The following DNAH8 variants were observed in gnomAD, a reference collection of about 807,000 sequenced individuals.
DNAH8 encodes axonemal beta dynein heavy chain 8.
Under a neutral mutation model 562.1 loss-of-function variants are expected in DNAH8, and 382 were observed. The observed-to-expected ratio is 0.68, with a 90% confidence interval of 0.63 to 0.74. The LOEUF (loss-of-function observed/expected upper bound fraction) is 0.74, where lower values mean the gene tolerates loss of function less well. Ranked by LOEUF, DNAH8 falls within the 30% of genes least tolerant of loss-of-function variation. The pLI, the probability that DNAH8 is intolerant of heterozygous loss-of-function variation, is 0.00. For missense variants in DNAH8, 5,203 were observed against 5,620.4 expected, an observed-to-expected ratio of 0.93 and a Z score of 2.37; for synonymous variants, 1,881 against 1,919.4, an observed-to-expected ratio of 0.98 and a Z score of 0.52.
chr6:39,028,231 G>A (rs931247304), intron 92 of DNAH8, among the ~76,000 whole-genome samples: 5 of 152,254 alleles, frequency 3.3e-5, no homozygotes, highest in African/African-American at 1.2e-4. Flanking sequence ...CTGCTTCCTG[G>A]AATCAAAATC....
intron 16 of DNAH8, 122 bp downstream of exon 16, chr6:38,781,495 C>G (rs1046887904): frequency 8.4e-7 from 1 of 1,194,918 alleles, no homozygotes; most frequent in African/African-American, 1.6e-5. Flanking sequence ...TTTTACCAGG[C>G]AAGGAAAATT....
chr6:38,872,661 G>A lies in DNAH8; in HGVS notation c.7116G>A (p.Met2372Ile). 6.2e-7 allele frequency: 1 copy of A among 1,614,114 alleles called. No homozygotes were observed. The highest frequency in any genetic ancestry group is 8.5e-7 in the Non-Finnish European group (1 of 1,179,984). ...AATGCGGAAGGCCTCATAGAGAAAT[G>A]CGAATGAATCCAAAAGCCATTACTG... ...QTECGRPHRE[M>I]RMNPKAITAP... The change falls in exon 50 of 93, where the codon ATG (methionine) becomes ATA (isoleucine). Residue 2372 changes from methionine (M) to isoleucine (I), a missense_variant. Around this residue, in one of 6 missense-constraint regions of DNAH8, gnomAD observed 2,176 missense variants for 2,365.1 expected, o/e 0.92. Transcript: ENST00000327475.
Position 38,857,564 on chromosome 6 carries a change from AG to A in DNAH8, c.5782del (p.Ala1928LeufsTer14). 6.2e-7 allele frequency: 1 copy of A among 1,613,896 alleles called. No individual in the cohort carries two copies. Among genetic ancestry groups the A allele is most frequent in the Non-Finnish European group, 8.5e-7 (1 of 1,179,854 alleles). Reference protein sequence around the residue: ...IQMLWTHDSEEALRNAKDDRK... With the variant: ...IQMLWTHDSEXALRNAKDDRK... ...ATGTTGTGGACACACGATTCAGAAG[AG>A]GCTTTACGTAATGCAAAAGATGACA... is the stretch of plus-strand genomic sequence containing the variant. On this transcript the variant is annotated frameshift_variant, in exon 42 of 93. Coordinates refer to ENST00000327475, the MANE Select transcript of DNAH8 (RefSeq NM_001206927.2). LOFTEE classifies it high-confidence loss of function.
Position 38,746,520 on chromosome 6 carries a change from AT to A in DNAH8, c.1294-3947del, listed in dbSNP as rs933701939. ...GTGCTTATTTGTTGCTTGTATTTTA[AT>A]TTTTTTTTAAAATGGAATCATTTAT... On this transcript the variant is annotated intron_variant, in intron 8 of 92. Coordinates refer to ENST00000327475, the MANE Select transcript of DNAH8 (RefSeq NM_001206927.2). Among the ~76,000 whole-genome samples the A allele has an allele frequency of 3.9e-3, 585 of 151,744 alleles. 4 individuals are homozygous for A. Among genetic ancestry groups the A allele is most frequent in the African/African-American group, 0.014 (559 of 41,388 alleles).
intron 21 of DNAH8, among the ~76,000 whole-genome samples, chr6:38,796,056 T>C (rs1770224399): frequency 2.0e-5 from 3 of 152,214 alleles, no homozygotes; most frequent in Admixed American, 1.3e-4. Context: ...GCTGGGTCCC[T>C]TTTAGGATTT....
chr6:38,867,508 G>T (rs956474542), intron 47 of DNAH8, among the ~76,000 whole-genome samples: 7 of 151,836 alleles, frequency 4.6e-5, no homozygotes, highest in African/African-American at 1.2e-4. Context: ...ATTCTGGGAG[G>T]CCGAGGCGAG....
intron 5 of DNAH8, among the ~76,000 whole-genome samples, chr6:38,736,030 T>C (rs1764058064): frequency 6.6e-6 from 1 of 151,912 alleles, no homozygotes; most frequent in Non-Finnish European, 1.5e-5. Flanking sequence ...CCCAGCTACT[T>C]GGGAGGCTGA....
intron 7 of DNAH8, among the ~76,000 whole-genome samples, chr6:38,741,215 G>A (rs554328636): frequency 3.9e-4 from 59 of 152,124 alleles, no homozygotes; most frequent in African/African-American, 1.2e-3. Context: ...GACCAGCTGG[G>A]CAACATAGTG....
In DNAH8 at chr6:38,741,864, G is replaced by A. The variant is rs764529157; in HGVS notation, c.1270G>A (p.Val424Ile). Residue 424 changes from valine (V) to isoleucine (I), a missense_variant, in exon 8 of 93, where the codon GTT (valine) becomes ATT (isoleucine). By Grantham distance (29) the Val-to-Ile change is conservative (BLOSUM62 3). This residue lies in a region of DNAH8 where 2,176 missense variants were observed against 2,365.1 expected (regional missense o/e 0.92). Coordinates refer to ENST00000327475, the MANE Select transcript of DNAH8 (RefSeq NM_001206927.2). ...SCKAVINVLN[V>I]AHSKLLKNWR... The stretch of plus-strand genomic sequence containing the variant: ...TAAGGCTGTCATAAATGTGCTAAAT[G>A]TTGCACACTCCAAACTGCTAAAGGT... 2 of 1,613,280 alleles carry A rather than the reference G, an allele frequency of 1.2e-6. No individual in the cohort carries two copies. The highest frequency in any genetic ancestry group is 2.2e-5 in the South Asian group (2 of 90,766).
intron 91 of DNAH8, among the ~76,000 whole-genome samples, chr6:39,014,822 G>T (rs1766460555): frequency 6.6e-6 from 1 of 152,096 alleles, no homozygotes; most frequent in African/African-American, 2.4e-5. Flanking sequence ...AAATCTTCCG[G>T]GGCCTCAGGG....
intron 24 of DNAH8, among the ~76,000 whole-genome samples, chr6:38,810,385 A>G (rs1186597060): frequency 6.6e-6 from 1 of 152,156 alleles, no homozygotes; most frequent in East Asian, 1.9e-4. Flanking sequence ...TGAGGTCAGG[A>G]GTTTGAGACC....
chr6:38,743,984 T>C (rs1764724424), intron 8 of DNAH8: 1 of 152,212 alleles, frequency 6.6e-6, no homozygotes, highest in Admixed American at 6.5e-5. Context: ...TTGCTGCAGT[T>C]GAAGCTTTTA....
chr6:38,833,272 C>G (rs190010032), intron 31 of DNAH8, among the ~76,000 whole-genome samples: 29 of 151,864 alleles, frequency 1.9e-4, no homozygotes, highest in African/African-American at 6.5e-4. Flanking sequence ...CTAAACATAT[C>G]TGTTGATTTG....
intron 58 of DNAH8, among the ~76,000 whole-genome samples, chr6:38,892,607 G>A (rs761099834): frequency 2.6e-5 from 4 of 152,068 alleles, no homozygotes; most frequent in African/African-American, 9.7e-5. Flanking sequence ...TAAGTGGTCC[G>A]ATCACCTGTC....
At chr6:38,981,524 C>A (rs1249420766) in intron 85 of DNAH8, among the ~76,000 whole-genome samples, 1 of 152,188 alleles carries the variant, frequency 6.6e-6, no homozygotes, top group East Asian at 1.9e-4. Flanking sequence ...GTGAAAGTTT[C>A]AAGACAGACA....
At chr6:38,766,523 G>A (rs548864867) in intron 11 of DNAH8, among the ~76,000 whole-genome samples, 2 of 152,280 alleles carry the variant, frequency 1.3e-5, no homozygotes, top group African/African-American at 2.4e-5. Context: ...GTCTGGCTCT[G>A]TTGCTCAGGC....
intron 23 of DNAH8, among the ~76,000 whole-genome samples, chr6:38,806,789 AAT>A (rs112960747): frequency 0.29 from 43,780 of 150,630 alleles, 6,582 homozygotes; most frequent in East Asian, 0.42. Context: ...TCAAAAAAAA[AAT>A]AATAATAATA....
At chr6:38,885,635 A>G (rs1051329153) in intron 56 of DNAH8, among the ~76,000 whole-genome samples, 1 of 152,154 alleles carries the variant, frequency 6.6e-6, no homozygotes, top group African/African-American at 2.4e-5. Flanking sequence ...CACCACATTT[A>G]CTGATCTTTG....
intron 88 of DNAH8, among the ~76,000 whole-genome samples, chr6:38,996,635 G>A (rs1765149964): frequency 6.6e-6 from 1 of 152,208 alleles, no homozygotes; most frequent in Non-Finnish European, 1.5e-5. Context: ...GAGGATGCAG[G>A]CCTAGAATAG....
Sources: allele counts gnomAD v4.1 joint callset (sites outside exome capture counted in the v4.1 genomes callset), GRCh38; gene constraint gnomAD v4.1.1; regional missense constraint gnomAD v4.1.1; transcripts MANE v1.5; gene names NCBI Gene and HGNC (gene_info 2026-07-23, HGNC 2026-07-21).